Variants in CFAP61 observed in about 807,000 individuals in gnomAD.
CFAP61 encodes cilia- and flagella-associated protein 61.
In CFAP61, 107 loss-of-function variants were observed where a neutral mutation model predicts 135.6. The observed-to-expected ratio is 0.79, with a 90% confidence interval of 0.67 to 0.93. The LOEUF (loss-of-function observed/expected upper bound fraction) is 0.93. Ranked by LOEUF, CFAP61 falls within the 40% of genes least tolerant of loss-of-function variation. The pLI is 0.00. For synonymous variants in CFAP61, 575 were observed against 578.5 expected, an observed-to-expected ratio of 0.99 and a Z score of 0.09; for missense variants, 1,507 against 1,556.2, an observed-to-expected ratio of 0.97 and a Z score of 0.53.
chr20:20,193,985 C>T (rs2056110210), intron 15 of CFAP61, among the ~76,000 whole-genome samples: 1 of 152,164 alleles, frequency 6.6e-6, no homozygotes, highest in Admixed American at 6.5e-5. Context: ...TAATCTGATA[C>T]CAACCTGATT....
intron 26 of CFAP61, among the ~76,000 whole-genome samples, chr20:20,358,008 CA>C (rs2059314646): frequency 1.5e-5 from 2 of 131,738 alleles, no homozygotes; most frequent in African/African-American, 6.0e-5. Flanking sequence ...GGGAGGTGGT[CA>C]CAGTGTGAGG....
chr20:20,076,777 G>A (rs745592952), intron 6 of CFAP61, among the ~76,000 whole-genome samples: 3 of 152,168 alleles, frequency 2.0e-5, no homozygotes, highest in Non-Finnish European at 2.9e-5. Context: ...GTATGGCATC[G>A]TTGTTAAGAG....
At chr20:20,323,097 G>A in intron 25 of CFAP61, 1 of 985,434 alleles carries the variant, frequency 1.0e-6, no homozygotes, top group Non-Finnish European at 1.2e-6. Context: ...CCCCATACCT[G>A]TGAGCTACTC....
intron 6 of CFAP61, chr20:20,085,143 CTG>C (rs751883524): frequency 3.0e-6 from 3 of 985,358 alleles, no homozygotes; most frequent in African/African-American, 1.7e-5. Context: ...CACTGGAACA[CTG>C]TGCGGCCTGT....
At chr20:20,355,232 GGGAGGTGGTCACACTGTGAGA>G in intron 26 of CFAP61, among the ~76,000 whole-genome samples, 2 of 143,578 alleles carry the variant, frequency 1.4e-5, no homozygotes, top group Non-Finnish European at 3.0e-5. Flanking sequence ...TCACACTAAG[GGGAGGTGGTCACACTGTGAGA>G]GGAGGTGGTC....
At chr20:20,213,458 A>G (rs1205567909) in intron 17 of CFAP61, among the ~76,000 whole-genome samples, 2 of 152,200 alleles carry the variant, frequency 1.3e-5, no homozygotes, top group Non-Finnish European at 1.5e-5. Flanking sequence ...AATTTCAGGA[A>G]TCCAAATTTT....
rs1049922081 is a variant in CFAP61, at chr20:20,182,057, T to C, written c.1386-5873T>C. On this transcript the variant is annotated intron_variant, in intron 13 of 26. Transcript: ENST00000245957. ...CCAGGCCTAAGTCGGTACATAATCA[T>C]TGAAGCGGACTTTGTTTTATTGGAT... Among the ~76,000 whole-genome samples the C allele has an allele frequency of 1.6e-4, 25 of 152,344 alleles. 1 individual carries two copies. The Middle Eastern group carries it at 0.01, about 62-fold the overall frequency.
Position 20,196,480 on chromosome 20 carries a change from CTAAAG to C in CFAP61, c.1591-86_1591-82del. 9.3e-6 allele frequency: 9 copies of C among 969,968 alleles called. No individual in the cohort carries two copies. The South Asian group carries it at 9.9e-5, about 11-fold the overall frequency. The allele number at this position is 969,968 out of a possible 1,614,324, so 60.1% of individuals were successfully genotyped here. A position where few individuals can be genotyped will look rare whatever the true frequency, so the allele number is the denominator to read the frequency against. ...AAAAATACGTTTCTTACTATCATAC[CTAAAG>C]TAATTTTTAAAAGATATTTATCACA... is the stretch of plus-strand genomic sequence containing the variant. On this transcript the variant is annotated intron_variant, in intron 15 of 26. Coordinates refer to ENST00000245957, the MANE Select transcript of CFAP61 (RefSeq NM_015585.4).
At chr20:20,296,330 T>TCCTTCCTTC (rs2055563225) in intron 24 of CFAP61, among the ~76,000 whole-genome samples, 2 of 39,598 alleles carry the variant, frequency 5.1e-5, no homozygotes, top group African/African-American at 9.1e-5. Flanking sequence ...TTCCTTCCCT[T>TCCTTCCTTC]CCTTCCTTCC....
At chr20:20,347,803 C>T (rs778435841) in intron 26 of CFAP61, among the ~76,000 whole-genome samples, 11 of 151,804 alleles carry the variant, frequency 7.2e-5, no homozygotes, top group Non-Finnish European at 1.2e-4. Context: ...CATGGTGGCA[C>T]ATATCTGTAA....
rs1457623111 is a variant in CFAP61 at position 20,090,960 on chromosome 20, A to T, written c.683A>T (p.His228Leu). The change falls in exon 7 of 27, where the codon CAT becomes CTT. Residue 228 changes from histidine to leucine, a missense_variant. Physicochemically the swap from His to Leu is moderately conservative, Grantham distance 99 (BLOSUM62 -3). Transcript: ENST00000245957. The part of the protein sequence containing the change: ...ELIEAQDEEN[H>L]AVVCEVEGTA... ...ATAGAGGCCCAAGATGAAGAGAATCATGCTGTTGTGTGTGAGGTCAGTGAC... is the reference window on the plus strand; with the variant it reads ...ATAGAGGCCCAAGATGAAGAGAATCTTGCTGTTGTGTGTGAGGTCAGTGAC... 1 of 1,614,140 alleles carries T rather than the reference A, an allele frequency of 6.2e-7. No individual in the cohort carries two copies. Among genetic ancestry groups the T allele is most frequent in the Admixed American group, 1.7e-5 (1 of 60,026 alleles).
chr20:20,330,283 A>T (rs1331949165), intron 25 of CFAP61, among the ~76,000 whole-genome samples: 1 of 152,136 alleles, frequency 6.6e-6, no homozygotes, highest in Non-Finnish European at 1.5e-5. Flanking sequence ...TATCTTCAAA[A>T]TTCAGTGTGT....
chr20:20,187,532 A>G lies in CFAP61; in HGVS notation c.1386-398A>G, dbSNP rs2055596992. Among the ~76,000 whole-genome samples, 2 of 152,196 alleles carry G rather than the reference A, an allele frequency of 1.3e-5. 1 individual carries two copies. Among genetic ancestry groups the G allele is most frequent in the South Asian group, 4.1e-4 (2 of 4,832 alleles). Reference sequence around the variant, plus strand: ...CTGAGTGTGAGGCTCTAAAAAGCACACAGCACTGTGCTGCTCCCTGGGTCC... The same window carrying G: ...CTGAGTGTGAGGCTCTAAAAAGCACGCAGCACTGTGCTGCTCCCTGGGTCC... On this transcript the variant is annotated intron_variant, in intron 13 of 26. Transcript: ENST00000245957.
chr20:20,125,406 A>G (rs2328494), intron 8 of CFAP61, among the ~76,000 whole-genome samples: 15,035 of 151,474 alleles, frequency 0.099, 1,651 homozygotes, highest in East Asian at 0.59. Context: ...AGAGGTTTTG[A>G]TAGGTTGTAT....
intron 13 of CFAP61, among the ~76,000 whole-genome samples, chr20:20,184,796 C>T (rs914445461): frequency 6.6e-6 from 1 of 152,118 alleles, no homozygotes; most frequent in African/African-American, 2.4e-5. Flanking sequence ...ATAGGAACTT[C>T]TGATGACATA....
At chr20:20,356,403 T>G (rs1602178736) in intron 26 of CFAP61, among the ~76,000 whole-genome samples, 2 of 145,662 alleles carry the variant, frequency 1.4e-5, no homozygotes, top group African/African-American at 2.6e-5. Context: ...TGAGGGGAGG[T>G]GGTCACACTG....
chr20:20,091,254 C>T (rs1465512923), intron 7 of CFAP61, among the ~76,000 whole-genome samples: 1 of 152,164 alleles, frequency 6.6e-6, no homozygotes, highest in Admixed American at 6.5e-5. Context: ...CCCAGGGGTG[C>T]GTAGGGGGAT....
In CFAP61 at chr20:20,188,054, C is replaced by A. The variant is rs542125516; in HGVS notation, c.1510C>A (p.Pro504Thr). The A allele has an allele frequency of 6.2e-7, 1 of 1,614,042 alleles. No homozygotes were observed. Among genetic ancestry groups the A allele is most frequent in the African/African-American group, 1.3e-5 (1 of 74,996 alleles). ...CCGTTACAACAAGGCTCGCAAAGAC[C>A]CTGTAAGTACCTGTTGTGACCAGAC... ...LDRYNKARKD[P>T]DGTLLQAFVA... Residue 504 changes from proline (P) to threonine (T), a missense_variant and splice_region_variant, in exon 14 of 27, where the codon CCT becomes ACT. Coordinates refer to ENST00000245957, the MANE Select transcript of CFAP61 (RefSeq NM_015585.4).
chr20:20,231,793 T>C (rs144365374), intron 18 of CFAP61, among the ~76,000 whole-genome samples: 15 of 152,288 alleles, frequency 9.8e-5, no homozygotes, highest in South Asian at 2.1e-4. Context: ...AACACCAGCT[T>C]GTACTATGGG....
Sources: gnomAD v4.1 joint callset for allele counts (sites outside exome capture counted in the v4.1 genomes callset) on GRCh38, gnomAD v4.1.1 for gene constraint, MANE v1.5 for transcripts, NCBI Gene and HGNC (gene_info 2026-07-23, HGNC 2026-07-21) for gene names.